Variants in LNX1 observed in about 807,000 individuals in gnomAD.
LNX1 encodes E3 ubiquitin-protein ligase LNX.
Under a neutral mutation model 68.4 loss-of-function variants are expected in LNX1, and 54 were observed. That is an observed-to-expected ratio of 0.79 (90% CI 0.63 to 0.99). LNX1 has a LOEUF of 0.99. Among genes scored for constraint, LNX1 ranks in the 50% least tolerant of loss-of-function variants. LNX1 has a pLI of 0.00. For missense variants in LNX1, 906 were observed against 926.4 expected (o/e 0.98, Z 0.29); for synonymous variants, 336 against 350.0 (o/e 0.96, Z 0.45).
intron 2 of LNX1, among the ~76,000 whole-genome samples, chr4:53,511,735 C>T (rs967767343): frequency 6.6e-6 from 1 of 152,178 alleles, no homozygotes; most frequent in African/African-American, 2.4e-5. Flanking sequence ...TCTGAGTTCA[C>T]TGCTAATGAG....
chr4:53,527,089 T>C (rs374071943), intron 2 of LNX1, among the ~76,000 whole-genome samples: 7 of 144,098 alleles, frequency 4.9e-5, no homozygotes, highest in African/African-American at 1.5e-4. Context: ...GAACAAAACC[T>C]GACCCAAGCT....
chr4:53,563,537 C>CTT (rs763612909), intron 2 of LNX1, among the ~76,000 whole-genome samples: 46 of 142,586 alleles, frequency 3.2e-4, no homozygotes, highest in African/African-American at 1.1e-3. Context: ...GCTTCAAATT[C>CTT]TTTTTTTTTT....
intron 2 of LNX1, among the ~76,000 whole-genome samples, chr4:53,555,627 G>A (rs1380505971): frequency 6.6e-6 from 1 of 152,188 alleles, no homozygotes; most frequent in African/African-American, 2.4e-5. Flanking sequence ...TAGAGAACAT[G>A]ACAGTACCTG....
intron 2 of LNX1, among the ~76,000 whole-genome samples, chr4:53,563,462 G>C (rs1443517663): frequency 6.6e-6 from 1 of 152,076 alleles, no homozygotes; most frequent in Non-Finnish European, 1.5e-5. Flanking sequence ...GGGAGTAAGA[G>C]GGGGGCCTAC....
At chr4:53,551,653 C>G (rs1219126045) in intron 2 of LNX1, among the ~76,000 whole-genome samples, 1 of 152,134 alleles carries the variant, frequency 6.6e-6, no homozygotes, top group African/African-American at 2.4e-5. Flanking sequence ...AGATGCAACC[C>G]CCCTGGAAGC....
chr4:53,566,736 G>C (rs1472165273), intron 2 of LNX1, among the ~76,000 whole-genome samples: 1 of 151,692 alleles, frequency 6.6e-6, no homozygotes, highest in Non-Finnish European at 1.5e-5. Context: ...CCATCAGTGT[G>C]CTGTATTCAG....
chr4:53,549,113 T>C (rs1305138289), intron 2 of LNX1, among the ~76,000 whole-genome samples: 5 of 152,108 alleles, frequency 3.3e-5, no homozygotes, highest in Non-Finnish European at 7.4e-5. Context: ...CAAACCCCCA[T>C]GACATGTATT....
intron 6 of LNX1, among the ~76,000 whole-genome samples, chr4:53,485,393 A>G (rs1474362679): frequency 6.6e-6 from 1 of 152,258 alleles, no homozygotes; most frequent in Non-Finnish European, 1.5e-5. Context: ...AGACTTGCAC[A>G]TCGAATCAAC....
rs371509591 is a variant in LNX1, at chr4:53,580,547, AG to A, written c.-86-6460del. 3.3e-3 allele frequency among the ~76,000 whole-genome samples: 503 copies of A among 152,356 alleles called. 5 individuals carry two copies. Among genetic ancestry groups the A allele is most frequent in the African/African-American group, 0.012 (482 of 41,590 alleles). ...CTGCTGTTACTGGAGTGGGTAGAGG[AG>A]GAGACACTGCCCTGAGGCCTGGAGA... On this transcript the variant is annotated intron_variant, in intron 1 of 10. Transcript: ENST00000263925.
intron 1 of LNX1, among the ~76,000 whole-genome samples, chr4:53,580,945 C>T (rs1731797859): frequency 6.6e-6 from 1 of 151,974 alleles, no homozygotes; most frequent in Non-Finnish European, 1.5e-5. Context: ...ATAATTTTTC[C>T]AACCCAGAAG....
intron 2 of LNX1, among the ~76,000 whole-genome samples, chr4:53,609,818 T>G: frequency 6.8e-6 from 1 of 146,510 alleles, no homozygotes; most frequent in South Asian, 2.1e-4. Flanking sequence ...AACATCAATA[T>G]AAAATTTCTA....
intron 2 of LNX1, among the ~76,000 whole-genome samples, chr4:53,560,637 A>C (rs1730218412): frequency 6.6e-6 from 1 of 152,294 alleles, no homozygotes; most frequent in Admixed American, 6.5e-5. Flanking sequence ...CTGCCTGCCT[A>C]ATTCTTTCTG....
intron 7 of LNX1, among the ~76,000 whole-genome samples, chr4:53,480,246 G>A (rs992915495): frequency 1.1e-4 from 16 of 152,044 alleles, no homozygotes; most frequent in African/African-American, 2.2e-4. Context: ...AAGTTAAAAC[G>A]GAAATAATTA....
In LNX1 at chr4:53,545,802, A is replaced by T. The variant is rs867363606; in HGVS notation, c.380+27821T>A. On this transcript the variant is annotated intron_variant, in intron 2 of 10. Coordinates refer to ENST00000263925, the MANE Select transcript of LNX1 (RefSeq NM_001126328.3). Reference sequence around the variant, plus strand: ...AGATTTGAATGACTTCAGAGGCCACATTTTTTTTTTTTTTTTTTTTTTTGA... The same window carrying T: ...AGATTTGAATGACTTCAGAGGCCACTTTTTTTTTTTTTTTTTTTTTTTTGA... 8.9e-4 allele frequency among the ~76,000 whole-genome samples: 99 copies of T among 111,608 alleles called. 4 individuals are homozygous for T. Among genetic ancestry groups the T allele is most frequent in the African/African-American group, 3.3e-3 (91 of 27,682 alleles). 73.2% of individuals were successfully genotyped at this position (111,608 alleles called of 152,430 possible).
chr4:53,470,457 T>C (rs547066311), intron 9 of LNX1, among the ~76,000 whole-genome samples: 149 of 152,194 alleles, frequency 9.8e-4, no homozygotes, highest in African/African-American at 3.2e-3. Context: ...TCTCACCACT[T>C]CTATTCAACA....
intron 2 of LNX1, among the ~76,000 whole-genome samples, chr4:53,552,972 T>C (rs1375872603): frequency 6.6e-6 from 1 of 152,200 alleles, no homozygotes; most frequent in Non-Finnish European, 1.5e-5. Flanking sequence ...CTTGTATCAT[T>C]ATGAGCAAGG....
At chr4:53,650,818 C>T (rs1284237859) in intron 1 of LNX1, among the ~76,000 whole-genome samples, 1 of 152,116 alleles carries the variant, frequency 6.6e-6, no homozygotes, top group Admixed American at 6.6e-5. Context: ...ACAACTAACT[C>T]ATGAGGTTTT....
At chr4:53,568,064 G>A (rs1577727398) in intron 2 of LNX1, among the ~76,000 whole-genome samples, 1 of 152,148 alleles carries the variant, frequency 6.6e-6, no homozygotes, top group East Asian at 1.9e-4. Context: ...TTCTACCAGA[G>A]GTACAAGGAG....
intron 1 of LNX1, among the ~76,000 whole-genome samples, chr4:53,649,829 T>A (rs1413916355): frequency 6.6e-6 from 1 of 152,202 alleles, no homozygotes; most frequent in Non-Finnish European, 1.5e-5. Flanking sequence ...CTTCCCACAG[T>A]GGACTGGGAG....
Sources: allele counts gnomAD v4.1 joint callset (sites outside exome capture counted in the v4.1 genomes callset), GRCh38; gene constraint gnomAD v4.1.1; transcripts MANE v1.5; gene names NCBI Gene and HGNC (gene_info 2026-07-23, HGNC 2026-07-21).